The following CBL variants were observed in gnomAD, a reference collection of about 807,000 sequenced individuals.
CBL encodes E3 ubiquitin-protein ligase CBL.
A neutral mutation model predicts 96.9 loss-of-function variants in CBL; 45 were observed. The observed-to-expected ratio is 0.46, with a 90% CI of 0.37 to 0.60. The LOEUF (loss-of-function observed/expected upper bound fraction) is 0.60, where lower values mean the gene tolerates loss of function less well. CBL is among the 20% of genes least tolerant of loss of function. The probability of loss-of-function intolerance (pLI) is 0.00; values close to 1 mark genes in which losing one functional copy is unlikely to be tolerated. For synonymous variants in CBL, 420 were observed against 426.8 expected (o/e 0.98, Z 0.20); for missense variants, 1,024 against 1,143.5 (o/e 0.90, Z 1.51).
chr11:119,259,878 T>A (rs1949740271), intron 2 of CBL, among the ~76,000 whole-genome samples: 1 of 152,208 alleles, frequency 6.6e-6, no homozygotes, highest in Non-Finnish European at 1.5e-5. Context: ...ACCTGTAATA[T>A]TGTTCTTTTG....
chr11:119,259,515 A>G (rs1253071251), intron 2 of CBL, among the ~76,000 whole-genome samples: 3 of 152,248 alleles, frequency 2.0e-5, no homozygotes, highest in African/African-American at 7.2e-5. Flanking sequence ...ATGTGAATTT[A>G]GTAAACACAG....
At position 119,305,141 on chromosome 11, in the gene CBL, T is replaced by C. The variant is rs1950125938; in HGVS notation, c.*5360T>C. The C allele has an allele frequency of 4.5e-6, 1 of 223,998 alleles. No homozygotes were observed. 13.9% of individuals were successfully genotyped at this position (223,998 alleles called of 1,614,324 possible). A position where few individuals can be genotyped will look rare whatever the true frequency, so the allele number is the denominator to read the frequency against. ...CCACTACTCCTGCCTTTTTGCTTAGTGGACAGGAAGGCACAGGAGTTTGTC... is the reference window on the plus strand; with the variant it reads ...CCACTACTCCTGCCTTTTTGCTTAGCGGACAGGAAGGCACAGGAGTTTGTC... On this transcript the variant is annotated 3_prime_UTR_variant, in exon 16 of 16. Transcript: ENST00000264033.
At chr11:119,249,591 T>G (rs1434885359) in intron 2 of CBL, among the ~76,000 whole-genome samples, 2 of 149,572 alleles carry the variant, frequency 1.3e-5, no homozygotes, top group Non-Finnish European at 3.0e-5. Context: ...TTATAGAGAA[T>G]TGAAATCAAA....
chr11:119,245,629 T>C (rs1565863274), intron 2 of CBL, among the ~76,000 whole-genome samples: 1 of 152,056 alleles, frequency 6.6e-6, no homozygotes, highest in Non-Finnish European at 1.5e-5. Context: ...CTCGGGAGGC[T>C]GAGGCAGGAG....
chr11:119,292,336 C>G (rs1478782400), intron 12 of CBL, among the ~76,000 whole-genome samples: 1 of 151,356 alleles, frequency 6.6e-6, no homozygotes, highest in Non-Finnish European at 1.5e-5. Context: ...AATGTTAGAC[C>G]TTTTCACTAT....
In CBL at chr11:119,219,387, A is replaced by AAG. The variant is rs1555225880; in HGVS notation, c.195+12776_195+12777insGA. ...GTGAGACTCTGTCTCAAAAAAAAAA[A>AAG]AAAGAAAGAAAGAAAGAAATCATAC... On this transcript the variant is annotated intron_variant, in intron 1 of 15. Transcript: ENST00000264033. Among the ~76,000 whole-genome samples, 8 of 151,836 alleles carry AAG rather than the reference A, an allele frequency of 5.3e-5. No individual in the cohort carries two copies. In the East Asian group the frequency reaches 7.8e-4, roughly 15 times the overall value.
At chr11:119,282,647 A>G (rs1051425142) in intron 9 of CBL, among the ~76,000 whole-genome samples, 1 of 152,152 alleles carries the variant, frequency 6.6e-6, no homozygotes, top group East Asian at 1.9e-4. Flanking sequence ...GCTGGGCAGG[A>G]GGGTGAGATT....
chr11:119,209,598 CAG>C (rs761570979), intron 1 of CBL, among the ~76,000 whole-genome samples: 9 of 150,622 alleles, frequency 6.0e-5, no homozygotes, highest in Non-Finnish European at 1.3e-4. Flanking sequence ...GCCTGAGCGA[CAG>C]AGTGAGACTC....
At chr11:119,275,446 A>G (rs1949882868) in intron 5 of CBL, among the ~76,000 whole-genome samples, 1 of 152,148 alleles carries the variant, frequency 6.6e-6, no homozygotes. Context: ...CTCAAAAACA[A>G]CAAAAACAAA....
rs757301814 is a variant in CBL at position 119,299,825 on chromosome 11, G to GAGT, written c.*45_*47dup. The GAGT allele has an allele frequency of 1.9e-6, 3 of 1,598,724 alleles. No individual in the cohort carries two copies. The African/African-American group carries it at 4.0e-5, about 21-fold the overall frequency. Reference sequence around the variant, plus strand: ...CAGGTTTAGAGGACCAGTGAGTTGGGAGTTATTACTCAAGTGGCACCTAGA... The same window carrying GAGT: ...CAGGTTTAGAGGACCAGTGAGTTGGGAGTAGTTATTACTCAAGTGGCACCTAGA... On this transcript the variant is annotated 3_prime_UTR_variant, in exon 16 of 16. Transcript: ENST00000264033.
At chr11:119,216,736 T>C (rs926349188) in intron 1 of CBL, among the ~76,000 whole-genome samples, 1 of 152,180 alleles carries the variant, frequency 6.6e-6, no homozygotes, top group Non-Finnish European at 1.5e-5. Context: ...AAACAATTTA[T>C]GAATCATAAA....
intron 1 of CBL, among the ~76,000 whole-genome samples, chr11:119,223,184 CTTTTTTTTTTTTTTTT>C (rs1167302746): frequency 4.5e-5 from 3 of 67,156 alleles, no homozygotes; most frequent in African/African-American, 7.6e-5. Flanking sequence ...CACACCCTTC[CTTTTTTTTTTTTTTTT>C]TTTTTTTTTT....
intron 1 of CBL, among the ~76,000 whole-genome samples, chr11:119,210,293 T>C (rs1348509040): frequency 6.6e-6 from 1 of 152,042 alleles, no homozygotes; most frequent in Non-Finnish European, 1.5e-5. Context: ...GGAGGATCAC[T>C]TGAGCTTGGG....
intron 9 of CBL, among the ~76,000 whole-genome samples, chr11:119,282,944 A>G (rs1057469372): frequency 6.6e-6 from 1 of 152,040 alleles, no homozygotes; most frequent in African/African-American, 2.4e-5. Flanking sequence ...GCCCCAAAAA[A>G]AAAAAAGCCA....
rs1008864540 is a variant in CBL at position 119,299,396 on chromosome 11, AG to A, written c.2435-97del. ...TGAAGAGCACATGTACCCAGTTTAC[AG>A]GAAGTCAGTAATATCTTGATATTAG... On this transcript the variant is annotated intron_variant, in intron 15 of 15. Transcript: ENST00000264033. 5 of 1,126,730 alleles carry A rather than the reference AG, an allele frequency of 4.4e-6. No homozygotes were observed. In the Admixed American group the frequency reaches 7.4e-5, roughly 17 times the overall value. 69.8% of individuals were successfully genotyped at this position (1,126,730 alleles called of 1,614,324 possible).
intron 9 of CBL, among the ~76,000 whole-genome samples, chr11:119,283,625 C>CTTTTTTTTTTTTTTTGTTTTTT (rs1949955350): frequency 2.2e-5 from 1 of 45,512 alleles, no homozygotes; most frequent in Non-Finnish European, 4.1e-5. Context: ...TTAATTCTTT[C>CTTTTTTTTTTTTTTTGTTTTTT]TTTTTTTTTT....
chr11:119,246,253 G>A (rs540813179), intron 2 of CBL, among the ~76,000 whole-genome samples: 3 of 152,024 alleles, frequency 2.0e-5, no homozygotes, highest in African/African-American at 7.2e-5. Context: ...GATTACAGGT[G>A]CGAACCACCG....
chr11:119,219,602 G>T (rs1296694673), intron 1 of CBL, among the ~76,000 whole-genome samples: 2 of 151,874 alleles, frequency 1.3e-5, no homozygotes, highest in Admixed American at 1.3e-4. Flanking sequence ...GATAAAGGGG[G>T]ACCACTGTAA....
intron 9 of CBL, among the ~76,000 whole-genome samples, chr11:119,283,621 CTTTCTTTTTT>C (rs1338450547): frequency 9.3e-4 from 34 of 36,494 alleles, no homozygotes; most frequent in African/African-American, 1.5e-3. Context: ...CTTTTTAATT[CTTTCTTTTTT>C]TTTTTTTTTT....
Sources: allele counts gnomAD v4.1 joint callset (sites outside exome capture counted in the v4.1 genomes callset), GRCh38; gene constraint gnomAD v4.1.1; transcripts MANE v1.5; gene names NCBI Gene and HGNC (gene_info 2026-07-23, HGNC 2026-07-21).